Variants in PMEL observed in about 807,000 individuals in gnomAD.
PMEL encodes the protein melanocyte protein PMEL.
Under a neutral mutation model 64.9 loss-of-function variants are expected in PMEL, and 53 were observed. The ratio of observed to expected loss-of-function variants is 0.82; its 90% CI spans 0.66 to 1.03. PMEL has a LOEUF of 1.03. Among genes scored for constraint, PMEL ranks in the 50% least tolerant of loss-of-function variants. PMEL has a pLI of 0.00. For synonymous variants in PMEL, 299 were observed against 316.2 expected, an observed-to-expected ratio of 0.95 and a Z score of 0.58; for missense variants, 716 against 814.9, an observed-to-expected ratio of 0.88 and a Z score of 1.48.
At chr12:55,958,445 A>G (rs764178960) in intron 4 of PMEL, 28 bp downstream of exon 4, 1 of 1,609,234 alleles carries the variant, frequency 6.2e-7, no homozygotes, top group African/African-American at 1.3e-5. Context: ...ACAAGTGTGG[A>G]TGATAGGCTG....
At chr12:55,961,489 G>A (rs962290608) in intron 2 of PMEL, 26 bp from the exon 3 acceptor site, 11 of 1,613,156 alleles carry the variant, frequency 6.8e-6, no homozygotes, top group Non-Finnish European at 8.5e-6. Context: ...ACATTAGCTG[G>A]GACTCCTGGG....
chr12:55,965,331 A>T (rs565685374), intron 1 of PMEL, among the ~76,000 whole-genome samples: 23 of 152,130 alleles, frequency 1.5e-4, no homozygotes, highest in Admixed American at 3.3e-4. Context: ...AAGTCATAAG[A>T]TACCCCATTC....
rs758922443 is a variant in PMEL, at chr12:55,961,740, G to T, written c.77-8C>A. The T allele has an allele frequency of 1.3e-6, 2 of 1,597,566 alleles. No individual in the cohort carries two copies. Among genetic ancestry groups the T allele is most frequent in the Admixed American group, 1.7e-5 (1 of 59,968 alleles). On this transcript the variant is annotated splice_region_variant and splice_polypyrimidine_tract_variant and intron_variant, in intron 1 of 10. Coordinates refer to ENST00000548747, the MANE Select transcript of PMEL (RefSeq NM_001384361.1). ...AGTCCTGGTTTCTGGGTACTAAAAGGAATGTGCCATGAAGGGCCCTAGGAT... is the reference window on the plus strand; with the variant it reads ...AGTCCTGGTTTCTGGGTACTAAAAGTAATGTGCCATGAAGGGCCCTAGGAT...
intron 7 of PMEL, 108 bp downstream of exon 7, chr12:55,955,995 G>T: frequency 9.1e-7 from 1 of 1,094,758 alleles, no homozygotes; most frequent in Non-Finnish European, 1.4e-6. Context: ...TGGCATTTGG[G>T]TATTCTTCCT....
Position 55,957,147 on chromosome 12 carries a change from C to A in PMEL, c.1156G>T (p.Gly386Cys). The change falls in exon 6 of 11, where the codon GGT becomes TGT. Residue 386 changes from glycine (G) to cysteine (C), a missense_variant. Physicochemically the swap from Gly to Cys is radical, Grantham distance 159. Transcript: ENST00000548747. ...GTTGACATCTCTGCCAGTGTGGTAC[C>A]CATGACCTCTGAAACTGGCACCTTC... ...PEKVPVSEVM[G>C]TTLAEMSTPE... 6.2e-7 allele frequency: 1 copy of A among 1,614,160 alleles called. No homozygotes were observed. The highest frequency in any genetic ancestry group is 8.5e-7 in the Non-Finnish European group (1 of 1,180,020).
chr12:55,955,167 G>T (rs1470985921), intron 10 of PMEL, 107 bp downstream of exon 10: 2 of 877,828 alleles, frequency 2.3e-6, no homozygotes, highest in African/African-American at 3.3e-5. Context: ...CTCTTTCCTG[G>T]ACACCATGCT....
At chr12:55,956,901 A>C in intron 6 of PMEL, 48 bp downstream of exon 6, 1 of 1,582,806 alleles carries the variant, frequency 6.3e-7, no homozygotes, top group South Asian at 1.2e-5. Context: ...TACAGAGTAG[A>C]GTAGGGTACC....
chr12:55,955,240 T>C, intron 10 of PMEL, 34 bp downstream of exon 10: 1 of 1,420,916 alleles, frequency 7.0e-7, no homozygotes, highest in Non-Finnish European at 1.0e-6. Flanking sequence ...TAATAAGGGA[T>C]AAGGGGGTCT....
At chr12:55,954,392 G>A in intron 10 of PMEL, 43 bp from the exon 11 acceptor site, 1 of 1,610,442 alleles carries the variant, frequency 6.2e-7, no homozygotes, top group Non-Finnish European at 8.5e-7. Context: ...AATGGACAAA[G>A]GTAGCTTGTC....
rs768269452 is a variant in PMEL at position 55,956,956 on chromosome 12, A to G, written c.1347T>C (p.Ser449=). Residue 449 remains serine (S), a synonymous_variant, in exon 6 of 11, where the codon AGT becomes AGC. Transcript: ENST00000548747. ...PDASSIMSTE[S]ITGSLGPLLD... is the part of the protein sequence containing the mutation. ...TCGCACTGATACTCTTACCTGTAATACTTTCCGTAGACATGATTGAGCTGG... is the reference window on the plus strand; with the variant it reads ...TCGCACTGATACTCTTACCTGTAATGCTTTCCGTAGACATGATTGAGCTGG... 4 of 1,614,040 alleles carry G rather than the reference A, an allele frequency of 2.5e-6. No individual in the cohort carries two copies. The Admixed American group carries it at 5.0e-5, about 20-fold the overall frequency.
At position 55,955,280 on chromosome 12, in the gene PMEL, A is replaced by G. The variant is rs778624211; in HGVS notation, c.1844T>C (p.Ile615Thr). The change falls in exon 10 of 11, where the codon ATA (isoleucine) becomes ACA (threonine). Residue 615 changes from isoleucine to threonine, a missense_variant. Transcript: ENST00000548747. Reference protein sequence around the residue: ...VLMAVVLASLIYRRRLMKQDF... With the variant: ...VLMAVVLASLTYRRRLMKQDF... ...TGTGTGATGAGGCCCTTACCTATAT[A>G]TCAGAGATGCAAGGACCACAGCCAT... The G allele has an allele frequency of 4.4e-6, 7 of 1,607,582 alleles. No individual in the cohort carries two copies. In the South Asian group the frequency reaches 6.6e-5, roughly 15 times the overall value.
chr12:55,956,880 TG>T, intron 6 of PMEL, 68 bp downstream of exon 6: 1 of 1,525,512 alleles, frequency 6.6e-7, no homozygotes, highest in Non-Finnish European at 8.9e-7. Flanking sequence ...ATCTGAGTCC[TG>T]GGTAAGACTT....
At position 55,958,477 on chromosome 12, in the gene PMEL, G is replaced by A. The variant is rs755863433; in HGVS notation, c.465C>T (p.Thr155=). The A allele has an allele frequency of 2.5e-6, 4 of 1,613,804 alleles. No individual in the cohort carries two copies. The highest frequency in any genetic ancestry group is 3.4e-6 in the Non-Finnish European group (4 of 1,179,926). Residue 155 remains threonine (T), a synonymous_variant, in exon 4 of 11, where the codon ACC becomes ACT. Transcript: ENST00000548747. ...QKRSFVYVWK[T]WGQYWQVLGG... ...GCTGAGAAGGGAGTCCCTCACCCCA[G>A]GTCTTCCAGACATAAACAAAGCTTC... is the stretch of plus-strand genomic sequence containing the variant.
intron 3 of PMEL, among the ~76,000 whole-genome samples, chr12:55,959,769 C>T: frequency 6.6e-6 from 1 of 152,116 alleles, no homozygotes; most frequent in Non-Finnish European, 1.5e-5. Context: ...CGCACCACTG[C>T]ACTCCAGCCT....
At chr12:55,965,162 C>G (rs541117899) in intron 1 of PMEL, among the ~76,000 whole-genome samples, 2 of 151,664 alleles carry the variant, frequency 1.3e-5, no homozygotes, top group African/African-American at 4.9e-5. Flanking sequence ...CTCCTGACCT[C>G]GTGATCCACC....
At chr12:55,956,422 CAGTT>C (rs1286814246) in intron 6 of PMEL, 2 of 528,736 alleles carry the variant, frequency 3.8e-6, no homozygotes, top group Non-Finnish European at 6.7e-6. Context: ...TCCAGAGTCA[CAGTT>C]AGGGGTGGCA....
chr12:55,962,809 G>A (rs1461074923), intron 1 of PMEL, among the ~76,000 whole-genome samples: 2 of 151,720 alleles, frequency 1.3e-5, no homozygotes, highest in Admixed American at 1.3e-4. Context: ...GGGATTATAG[G>A]CGTGAGCCAC....
At chr12:55,965,357 C>T (rs1304239931) in intron 1 of PMEL, among the ~76,000 whole-genome samples, 1 of 152,086 alleles carries the variant, frequency 6.6e-6, no homozygotes, top group Admixed American at 6.5e-5. Context: ...CCACTTCCAA[C>T]TCTCCTCAGA....
chr12:55,966,247 C>G (rs745841973), upstream of PMEL: 151 of 600,188 alleles, frequency 2.5e-4, no homozygotes, highest in Non-Finnish European at 4.0e-4. Context: ...CATCTTGATG[C>G]ACTCCCGGGC....
Sources: gnomAD v4.1 joint callset for allele counts (sites outside exome capture counted in the v4.1 genomes callset) on GRCh38, gnomAD v4.1.1 for gene constraint, MANE v1.5 for transcripts, NCBI Gene and HGNC (gene_info 2026-07-23, HGNC 2026-07-21) for gene names.